The following PANX1 variants were observed in gnomAD, a reference collection of about 807,000 sequenced individuals.
PANX1 encodes pannexin-1.
In PANX1, 30 loss-of-function variants were observed where a neutral mutation model predicts 38.7. That is an observed-to-expected ratio of 0.78 (90% CI 0.58 to 1.05). The LOEUF is 1.05. Ranked by LOEUF, PANX1 falls within the 50% of genes least tolerant of loss-of-function variation. The pLI is 0.00. For synonymous variants in PANX1, 230 were observed against 212.2 expected (o/e 1.08, Z -0.73); for missense variants, 551 against 517.2 (o/e 1.07, Z -0.63).
In PANX1 at chr11:94,178,365, T is replaced by C. The variant is rs1201047295; in HGVS notation, c.322-4T>C. 6.2e-7 allele frequency: 1 copy of C among 1,612,442 alleles called. No homozygotes were observed. Among genetic ancestry groups the C allele is most frequent in the Admixed American group, 1.7e-5 (1 of 60,010 alleles). On this transcript the variant is annotated splice_polypyrimidine_tract_variant and splice_region_variant and intron_variant, in intron 2 of 4. Transcript: ENST00000227638. ...AGCCCATGATTTGTTCTCTTGTTTTTCAGTTTTTCCCCTACATCCTGCTGC... is the reference window on the plus strand; with the variant it reads ...AGCCCATGATTTGTTCTCTTGTTTTCCAGTTTTTCCCCTACATCCTGCTGC...
Position 94,178,433 on chromosome 11 carries a change from T to C in PANX1, c.386T>C (p.Phe129Ser). 6.2e-7 allele frequency: 1 copy of C among 1,614,166 alleles called. No homozygotes were observed. Among genetic ancestry groups the C allele is most frequent in the Admixed American group, 1.7e-5 (1 of 60,016 alleles). Reference protein sequence around the residue: ...LLYLPPLFWRFAAAPHICSDL... With the variant: ...LLYLPPLFWRSAAAPHICSDL... Reference sequence around the variant, plus strand: ...TACCTGCCCCCGCTGTTCTGGCGTTTCGCAGCTGCTCCTCATATTTGCTCA... The same window carrying C: ...TACCTGCCCCCGCTGTTCTGGCGTTCCGCAGCTGCTCCTCATATTTGCTCA... Residue 129 changes from phenylalanine (F) to serine (S), a missense_variant, in exon 3 of 5, where the codon TTC becomes TCC. Transcript: ENST00000227638.
At chr11:94,136,777 GA>G (rs528446771) in intron 1 of PANX1, among the ~76,000 whole-genome samples, 96 of 151,860 alleles carry the variant, frequency 6.3e-4, no homozygotes, top group Non-Finnish European at 1.2e-3. Flanking sequence ...CAAAAAAAAA[GA>G]AAAAAACTTG....
intron 1 of PANX1, among the ~76,000 whole-genome samples, chr11:94,149,626 A>G (rs1946863883): frequency 6.6e-6 from 1 of 152,170 alleles, no homozygotes; most frequent in Non-Finnish European, 1.5e-5. Context: ...CATAAACCTG[A>G]AACTCCTTTC....
intron 1 of PANX1, among the ~76,000 whole-genome samples, chr11:94,137,047 T>C (rs985917451): frequency 6.6e-6 from 1 of 152,044 alleles, no homozygotes; most frequent in Non-Finnish European, 1.5e-5. Context: ...GGCTCACACC[T>C]GTAATCCCAG....
At chr11:94,139,068 C>T (rs1946732514) in intron 1 of PANX1, among the ~76,000 whole-genome samples, 1 of 152,140 alleles carries the variant, frequency 6.6e-6, no homozygotes, top group Non-Finnish European at 1.5e-5. Context: ...ATTCATTGAT[C>T]CTTGATGATT....
chr11:94,133,640 T>G (rs1458999637), intron 1 of PANX1, among the ~76,000 whole-genome samples: 1 of 152,202 alleles, frequency 6.6e-6, no homozygotes, highest in Non-Finnish European at 1.5e-5. Flanking sequence ...TCTAAAATAC[T>G]GCAGGTGTGC....
chr11:94,176,382 C>A (rs574632285), intron 2 of PANX1, among the ~76,000 whole-genome samples: 2 of 151,744 alleles, frequency 1.3e-5, no homozygotes, highest in South Asian at 4.1e-4. Context: ...CAACTAAATG[C>A]AGTGAGTACC....
At chr11:94,152,440 G>A (rs1247043315) in intron 1 of PANX1, among the ~76,000 whole-genome samples, 2 of 152,182 alleles carry the variant, frequency 1.3e-5, no homozygotes, top group African/African-American at 2.4e-5. Context: ...TATGACTCAT[G>A]TCAGAGCCCA....
chr11:94,175,853 C>T, intron 2 of PANX1: 1 of 984,772 alleles, frequency 1.0e-6, no homozygotes, highest in South Asian at 4.7e-5. Flanking sequence ...AACACCTCAT[C>T]CCGTGCCAGA....
At position 94,165,735 on chromosome 11, in the gene PANX1, AC is replaced by A; in HGVS notation, c.321+12108del. Among the ~76,000 whole-genome samples the A allele has an allele frequency of 2.0e-5, 3 of 152,136 alleles. No individual in the cohort carries two copies. In the Middle Eastern group the frequency reaches 0.01, roughly 521 times the overall value. On this transcript the variant is annotated intron_variant, in intron 2 of 4. Transcript: ENST00000227638. Reference sequence around the variant, plus strand: ...AGACCAGCCTGCCCAACATGGAGAAACCCTGTCCCTTCTACACATACAAAAT... The same window carrying A: ...AGACCAGCCTGCCCAACATGGAGAAACCTGTCCCTTCTACACATACAAAAT...
intron 2 of PANX1, among the ~76,000 whole-genome samples, chr11:94,177,241 G>A (rs1049356036): frequency 2.7e-5 from 4 of 150,788 alleles, no homozygotes; most frequent in Admixed American, 6.6e-5. Context: ...ATAGAGGCAG[G>A]GAGAGCCACT....
chr11:94,141,357 T>C (rs1165436774), intron 1 of PANX1, among the ~76,000 whole-genome samples: 2 of 152,216 alleles, frequency 1.3e-5, no homozygotes, highest in Non-Finnish European at 2.9e-5. Context: ...TCTCATTGTT[T>C]TAGCTTGTAG....
At chr11:94,152,805 C>T (rs1323225971) in intron 1 of PANX1, among the ~76,000 whole-genome samples, 1 of 152,192 alleles carries the variant, frequency 6.6e-6, no homozygotes, top group African/African-American at 2.4e-5. Flanking sequence ...TCCCAGAGTC[C>T]CTTCCCAGAA....
intron 2 of PANX1, among the ~76,000 whole-genome samples, chr11:94,161,682 C>T (rs191589533): frequency 5.9e-5 from 9 of 152,234 alleles, no homozygotes; most frequent in Admixed American, 1.3e-4. Flanking sequence ...TCCTTTAGCT[C>T]GGAGTAGTTT....
intron 2 of PANX1, among the ~76,000 whole-genome samples, chr11:94,158,557 A>G (rs970927521): frequency 3.3e-5 from 5 of 151,812 alleles, no homozygotes; most frequent in Admixed American, 1.3e-4. Flanking sequence ...TTTGTCTGTT[A>G]TTGGTGTATA....
chr11:94,155,116 C>T (rs1396990234), intron 2 of PANX1, among the ~76,000 whole-genome samples: 1 of 149,754 alleles, frequency 6.7e-6, no homozygotes, highest in Non-Finnish European at 1.5e-5. Flanking sequence ...TTTGGGAGGC[C>T]GAGGCAAGCG....
At chr11:94,154,632 G>T (rs1946924990) in intron 2 of PANX1, among the ~76,000 whole-genome samples, 1 of 152,114 alleles carries the variant, frequency 6.6e-6, no homozygotes, top group African/African-American at 2.4e-5. Context: ...ATGATTTAAG[G>T]GAGCTATGAC....
At chr11:94,166,077 G>A (rs370590667) in intron 2 of PANX1, among the ~76,000 whole-genome samples, 7 of 152,024 alleles carry the variant, frequency 4.6e-5, no homozygotes, top group Admixed American at 1.3e-4. Context: ...CCTCGCTTTC[G>A]ACTTCTTGTC....
chr11:94,174,007 T>C (rs1947200403), intron 2 of PANX1, among the ~76,000 whole-genome samples: 1 of 151,558 alleles, frequency 6.6e-6, no homozygotes, highest in African/African-American at 2.4e-5. Context: ...TGGTGGCTGC[T>C]GGCAGTCCTC....
Sources: allele counts gnomAD v4.1 joint callset (sites outside exome capture counted in the v4.1 genomes callset), GRCh38; gene constraint gnomAD v4.1.1; transcripts MANE v1.5; gene names NCBI Gene and HGNC (gene_info 2026-07-23, HGNC 2026-07-21).